ARHGAP44: variants seen among roughly 807,000 people sequenced by gnomAD.
ARHGAP44 encodes the protein Rho GTPase activating protein 44, also known as rho GTPase-activating protein 44.
Under a neutral mutation model 106.8 loss-of-function variants are expected in ARHGAP44, and 43 were observed. That is an observed-to-expected ratio of 0.40 (90% CI 0.32 to 0.52). The LOEUF is 0.52. Among genes scored for constraint, ARHGAP44 ranks in the 20% least tolerant of loss-of-function variants. The pLI, the probability that ARHGAP44 is intolerant of heterozygous loss-of-function variation, is 0.48. For missense variants in ARHGAP44, 866 were observed against 1,050.5 expected, an observed-to-expected ratio of 0.82 and a Z score of 2.43; for synonymous variants, 439 against 410.3, an observed-to-expected ratio of 1.07 and a Z score of -0.85.
intron 6 of ARHGAP44, 65 bp downstream of exon 6, chr17:12,919,896 G>T: frequency 7.2e-7 from 1 of 1,394,770 alleles, no homozygotes; most frequent in Non-Finnish European, 9.9e-7. Context: ...TGGGCGGGTG[G>T]GTTTTAAGTA....
At chr17:12,896,033 C>T (rs909376823) in intron 2 of ARHGAP44, among the ~76,000 whole-genome samples, 1 of 145,384 alleles carries the variant, frequency 6.9e-6, no homozygotes, top group African/African-American at 2.6e-5. Context: ...TGTTCTCACT[C>T]ATAGGTGGGA....
chr17:12,928,886 G>T, intron 6 of ARHGAP44, 43 bp from the exon 7 acceptor site: 1 of 1,535,970 alleles, frequency 6.5e-7, no homozygotes, highest in South Asian at 1.2e-5. Context: ...GATCCCCAGG[G>T]CTCTACCTGT....
intron 5 of ARHGAP44, among the ~76,000 whole-genome samples, chr17:12,918,212 G>C (rs1019505878): frequency 2.0e-5 from 3 of 152,210 alleles, no homozygotes; most frequent in African/African-American, 7.2e-5. Context: ...CTCCAGCTTA[G>C]CTTCGGAGCT....
rs754270006 is a variant in ARHGAP44, at chr17:12,984,768, C to T, written c.2177C>T (p.Ser726Leu). The change falls in exon 20 of 21, where the codon TCG becomes TTG. Residue 726 changes from serine (S) to leucine (L), a missense_variant. This residue lies in a region of ARHGAP44 where 418 missense variants were observed against 403.6 expected (regional missense o/e 1.04). Transcript: ENST00000379672. ...PSVFTSTLSK[S>L]RPTPKPRQRP... ...GTCTTTACAAGCACTTTGAGCAAAT[C>T]GCGGCCCACTCCTAAGCCGCGACAG... 13 of 1,613,974 alleles carry T rather than the reference C, an allele frequency of 8.1e-6. No homozygotes were observed. Among genetic ancestry groups the T allele is most frequent in the African/African-American group, 1.3e-5 (1 of 75,054 alleles).
chr17:12,808,662 T>A (rs979005112), intron 1 of ARHGAP44, among the ~76,000 whole-genome samples: 3 of 152,188 alleles, frequency 2.0e-5, no homozygotes, highest in African/African-American at 7.2e-5. Flanking sequence ...AATCATTTTT[T>A]CCTCCTAGGC....
In ARHGAP44 at chr17:12,823,431, C is replaced by T. The variant is rs116679673; in HGVS notation, c.53+33540C>T. Among the ~76,000 whole-genome samples, 314 of 152,292 alleles carry T rather than the reference C, an allele frequency of 2.1e-3. 1 individual carries two copies. The highest frequency in any genetic ancestry group is 7.3e-3 in the African/African-American group (302 of 41,548). On this transcript the variant is annotated intron_variant, in intron 1 of 20. Transcript: ENST00000379672. ...CTCTTATGGCCAACCTCACTTTCTC[C>T]TTCCTAGAGAAAATTGAAGCTCTGT...
intron 14 of ARHGAP44, 22 bp from the exon 15 acceptor site, chr17:12,956,633 T>A (rs1403739387): frequency 1.2e-6 from 2 of 1,608,934 alleles, no homozygotes; most frequent in Non-Finnish European, 1.7e-6. Flanking sequence ...CCACCCTGTT[T>A]GCCTCTGCTC....
chr17:12,850,365 C>T (rs2035702497), intron 1 of ARHGAP44, among the ~76,000 whole-genome samples: 1 of 149,998 alleles, frequency 6.7e-6, no homozygotes, highest in Admixed American at 6.6e-5. Context: ...AACAAGAGGA[C>T]AAAGAGCAGA....
At chr17:12,907,832 G>T (rs1293919239) in intron 3 of ARHGAP44, among the ~76,000 whole-genome samples, 2 of 152,112 alleles carry the variant, frequency 1.3e-5, no homozygotes, top group African/African-American at 4.8e-5. Flanking sequence ...TATATACCCA[G>T]GAGTGGAATT....
chr17:12,910,232 G>GA (rs1392382058), intron 4 of ARHGAP44, among the ~76,000 whole-genome samples: 1 of 147,872 alleles, frequency 6.8e-6, no homozygotes, highest in Non-Finnish European at 1.5e-5. Flanking sequence ...ACCAAGGTAG[G>GA]AAAAAGATTG....
intron 1 of ARHGAP44, among the ~76,000 whole-genome samples, chr17:12,860,853 A>G (rs866040914): frequency 2.9e-5 from 2 of 68,584 alleles, no homozygotes; most frequent in East Asian, 8.2e-4. Context: ...GTTTTTTTCT[A>G]TTCTTTTTTT....
rs191237459 is a variant in ARHGAP44 at position 12,843,767 on chromosome 17, C to T, written c.54-51173C>T. Among the ~76,000 whole-genome samples the T allele has an allele frequency of 1.3e-4, 19 of 151,220 alleles. No individual in the cohort carries two copies. In the East Asian group the frequency reaches 1.6e-3, roughly 12 times the overall value. On this transcript the variant is annotated intron_variant, in intron 1 of 20. Coordinates refer to ENST00000379672, the MANE Select transcript of ARHGAP44 (RefSeq NM_014859.6). ...ACCACCCAGGTTCAAGTGATTCTCCCGGCTCAGCCTCCCAAGTAGCTGGGA... is the reference window on the plus strand; with the variant it reads ...ACCACCCAGGTTCAAGTGATTCTCCTGGCTCAGCCTCCCAAGTAGCTGGGA...
intron 3 of ARHGAP44, among the ~76,000 whole-genome samples, chr17:12,900,362 C>G (rs2037339208): frequency 6.6e-6 from 1 of 151,926 alleles, no homozygotes; most frequent in Admixed American, 6.6e-5. Context: ...ACTCCTGACC[C>G]ATGATCTGCC....
chr17:12,825,288 T>C (rs975194323), intron 1 of ARHGAP44, among the ~76,000 whole-genome samples: 4 of 152,144 alleles, frequency 2.6e-5, no homozygotes, highest in African/African-American at 9.7e-5. Context: ...TCTTCCCACC[T>C]TGGCCTCCCA....
chr17:12,871,677 G>A (rs766270978), intron 1 of ARHGAP44, among the ~76,000 whole-genome samples: 10 of 152,248 alleles, frequency 6.6e-5, no homozygotes, highest in East Asian at 1.9e-4. Flanking sequence ...ACAATTCAAC[G>A]TGAAATTTGG....
At chr17:12,939,482 T>G (rs1391822499) in intron 7 of ARHGAP44, among the ~76,000 whole-genome samples, 3 of 152,168 alleles carry the variant, frequency 2.0e-5, no homozygotes, top group Non-Finnish European at 2.9e-5. Context: ...TTTTTTTATT[T>G]TGAGACAGAG....
chr17:12,822,156 G>A (rs1175021085), intron 1 of ARHGAP44, among the ~76,000 whole-genome samples: 1 of 152,152 alleles, frequency 6.6e-6, no homozygotes, highest in Non-Finnish European at 1.5e-5. Context: ...AAATATTTTA[G>A]GCTTTGTGGG....
chr17:12,842,717 G>A (rs1483390229), intron 1 of ARHGAP44, among the ~76,000 whole-genome samples: 3 of 152,208 alleles, frequency 2.0e-5, no homozygotes, highest in African/African-American at 4.8e-5. Context: ...AACCCCGACT[G>A]TGTATCCTGA....
chr17:12,800,890 A>G (rs562978396), intron 1 of ARHGAP44, among the ~76,000 whole-genome samples: 1 of 152,232 alleles, frequency 6.6e-6, no homozygotes, highest in Admixed American at 6.5e-5. Context: ...AAGTTACTTC[A>G]GTTTAGGTGG....
Sources: allele counts gnomAD v4.1 joint callset (sites outside exome capture counted in the v4.1 genomes callset), GRCh38; gene constraint gnomAD v4.1.1; regional missense constraint gnomAD v4.1.1; transcripts MANE v1.5; gene names NCBI Gene and HGNC (gene_info 2026-07-23, HGNC 2026-07-21).